CHSY3: variants seen among roughly 807,000 people sequenced by gnomAD.
CHSY3 encodes chondroitin sulfate synthase 3.
CHSY3 carries 35 observed loss-of-function variants against 67.2 expected under a neutral mutation model. The observed-to-expected ratio is 0.52, with a 90% CI of 0.40 to 0.69. CHSY3 has a LOEUF of 0.69. CHSY3 is among the 30% of genes least tolerant of loss of function. CHSY3 has a pLI of 0.00. For synonymous variants in CHSY3, 474 were observed against 434.7 expected (o/e 1.09, Z -1.12); for missense variants, 1,069 against 1,138.5 (o/e 0.94, Z 0.88).
At chr5:130,009,619 A>G (rs1486670248) in intron 2 of CHSY3, among the ~76,000 whole-genome samples, 3 of 152,198 alleles carry the variant, frequency 2.0e-5, no homozygotes, top group Non-Finnish European at 4.4e-5. Flanking sequence ...ACATGATGAC[A>G]GGATCAAATA....
At chr5:129,953,329 A>G (rs957669999) in intron 2 of CHSY3, among the ~76,000 whole-genome samples, 1 of 152,110 alleles carries the variant, frequency 6.6e-6, no homozygotes, top group Non-Finnish European at 1.5e-5. Flanking sequence ...TTATGTCTGC[A>G]TAGTATTCTG....
chr5:129,928,995 A>G (rs1475818044), intron 2 of CHSY3, among the ~76,000 whole-genome samples: 1 of 152,180 alleles, frequency 6.6e-6, no homozygotes, highest in Non-Finnish European at 1.5e-5. Context: ...CAAAGACTAT[A>G]TATTCTTCTC....
At chr5:130,030,770 G>T (rs2149659821) in intron 2 of CHSY3, among the ~76,000 whole-genome samples, 1 of 152,130 alleles carries the variant, frequency 6.6e-6, no homozygotes, top group East Asian at 1.9e-4. Flanking sequence ...AGCTTTGGGG[G>T]CTTTAGTGTT....
chr5:129,918,647 A>G (rs1436326386), intron 2 of CHSY3, among the ~76,000 whole-genome samples: 1 of 152,146 alleles, frequency 6.6e-6, no homozygotes, highest in Non-Finnish European at 1.5e-5. Flanking sequence ...ATGGGCAGGC[A>G]AAGATGGAAG....
chr5:130,112,543 C>T (rs1038633942), intron 2 of CHSY3, among the ~76,000 whole-genome samples: 4 of 152,058 alleles, frequency 2.6e-5, no homozygotes, highest in Admixed American at 6.6e-5. Context: ...AATTAGCCAA[C>T]GAATTTTACT....
rs1238974867 is a variant in CHSY3, at chr5:130,040,327, C to T, written c.1086+131967C>T. Among the ~76,000 whole-genome samples, 6 of 152,076 alleles carry T rather than the reference C, an allele frequency of 3.9e-5. No individual in the cohort carries two copies. The South Asian group carries it at 8.3e-4, about 21-fold the overall frequency. ...ACAGGGAATGCTGTCTTTGTCCAGCCGTGAGCTTCCAGAGTACCAATTTCA... is the reference window on the plus strand; with the variant it reads ...ACAGGGAATGCTGTCTTTGTCCAGCTGTGAGCTTCCAGAGTACCAATTTCA... On this transcript the variant is annotated intron_variant, in intron 2 of 2. Transcript: ENST00000305031.
At chr5:130,011,059 A>G (rs563229382) in intron 2 of CHSY3, among the ~76,000 whole-genome samples, 2 of 152,330 alleles carry the variant, frequency 1.3e-5, no homozygotes, top group East Asian at 1.9e-4. Context: ...AATAAGAGCT[A>G]TTACCAATCC....
At position 130,184,685 on chromosome 5, in the gene CHSY3, C is replaced by T. The variant is rs372020531; in HGVS notation, c.1543C>T (p.Arg515Trp). The change falls in exon 3 of 3, where the codon CGG (arginine) becomes TGG (tryptophan). Residue 515 changes from arginine to tryptophan, a missense_variant. Coordinates refer to ENST00000305031, the MANE Select transcript of CHSY3 (RefSeq NM_175856.5). ...MINENAKSRG[R>W]LIDFKEIQYG... Reference sequence around the variant, plus strand: ...CAATGAGAATGCCAAGAGCAGAGGACGGCTCATTGACTTCAAGGAAATTCA... The same window carrying T: ...CAATGAGAATGCCAAGAGCAGAGGATGGCTCATTGACTTCAAGGAAATTCA... 2 of 1,606,340 alleles carry T rather than the reference C, an allele frequency of 1.2e-6. No individual in the cohort carries two copies. Among genetic ancestry groups the T allele is most frequent in the South Asian group, 2.2e-5 (2 of 90,918 alleles).
intron 2 of CHSY3, among the ~76,000 whole-genome samples, chr5:130,000,592 C>CT (rs5871374): frequency 1.1e-3 from 152 of 144,684 alleles, no homozygotes; most frequent in Admixed American, 1.8e-3. Flanking sequence ...CTTTCACCCA[C>CT]TTTTTTTTTT....
At chr5:130,182,176 T>G (rs1770268569) in intron 2 of CHSY3, among the ~76,000 whole-genome samples, 1 of 152,142 alleles carries the variant, frequency 6.6e-6, no homozygotes, top group African/African-American at 2.4e-5. Context: ...CACAGTATTA[T>G]CTATCTGTTT....
chr5:130,120,761 C>T (rs1561545726), intron 2 of CHSY3, among the ~76,000 whole-genome samples: 1 of 151,766 alleles, frequency 6.6e-6, no homozygotes, highest in African/African-American at 2.4e-5. Flanking sequence ...CAATGAAAAA[C>T]AAAAAAGAGA....
intron 2 of CHSY3, among the ~76,000 whole-genome samples, chr5:130,138,188 CAGAAG>C (rs1768729200): frequency 3.3e-5 from 5 of 152,176 alleles, no homozygotes; most frequent in Non-Finnish European, 7.3e-5. Flanking sequence ...GCTCCTTGGG[CAGAAG>C]TGTGGAGCAA....
At chr5:129,934,939 A>T (rs1319369486) in intron 2 of CHSY3, among the ~76,000 whole-genome samples, 1 of 152,186 alleles carries the variant, frequency 6.6e-6, no homozygotes, top group African/African-American at 2.4e-5. Flanking sequence ...ATTCTTGCTC[A>T]AATAGAAACT....
At chr5:130,061,790 A>G (rs1765721017) in intron 2 of CHSY3, among the ~76,000 whole-genome samples, 1 of 152,146 alleles carries the variant, frequency 6.6e-6, no homozygotes, top group Non-Finnish European at 1.5e-5. Context: ...GACAAAAAAC[A>G]CATGAGACAA....
intron 2 of CHSY3, among the ~76,000 whole-genome samples, chr5:129,986,465 G>A (rs7705295): frequency 0.51 from 77,914 of 151,758 alleles, 20,672 homozygotes; most frequent in Non-Finnish European, 0.59. Context: ...TTGTTCATCC[G>A]GGATATTGGC....
chr5:130,126,689 C>T (rs192291470), intron 2 of CHSY3, among the ~76,000 whole-genome samples: 22 of 151,952 alleles, frequency 1.4e-4, no homozygotes, highest in Non-Finnish European at 2.5e-4. Flanking sequence ...CTTGAATGGT[C>T]GAATCATTCT....
intron 2 of CHSY3, among the ~76,000 whole-genome samples, chr5:130,045,015 G>A (rs973677298): frequency 3.9e-5 from 6 of 152,066 alleles, no homozygotes; most frequent in Non-Finnish European, 5.9e-5. Flanking sequence ...TTTGAGACAG[G>A]GTCTCACTCT....
chr5:130,159,420 T>A (rs1308750196), intron 2 of CHSY3, among the ~76,000 whole-genome samples: 2 of 151,042 alleles, frequency 1.3e-5, no homozygotes, highest in Admixed American at 6.6e-5. Context: ...CTATTTTAGC[T>A]TCCCAAAGTG....
chr5:130,062,114 T>G (rs556831547), intron 2 of CHSY3, among the ~76,000 whole-genome samples: 1 of 148,440 alleles, frequency 6.7e-6, no homozygotes, highest in Non-Finnish European at 1.5e-5. Flanking sequence ...TGCTGTCCTA[T>G]TCACAATAGC....
Sources: gnomAD v4.1 joint callset for allele counts (sites outside exome capture counted in the v4.1 genomes callset) on GRCh38, gnomAD v4.1.1 for gene constraint, MANE v1.5 for transcripts, NCBI Gene and HGNC (gene_info 2026-07-23, HGNC 2026-07-21) for gene names.